COL22A1: variants seen among roughly 807,000 people sequenced by gnomAD.
COL22A1 encodes the protein collagen alpha-1(XXII) chain.
COL22A1 carries 221 observed loss-of-function variants against 248.9 expected under a neutral mutation model. The ratio of observed to expected loss-of-function variants is 0.89; its 90% CI spans 0.80 to 0.99. COL22A1 has a LOEUF of 0.99. COL22A1 is among the 50% of genes least tolerant of loss of function. The pLI is 0.00. For synonymous variants in COL22A1, 891 were observed against 793.4 expected (o/e 1.12, Z -2.07); for missense variants, 2,240 against 2,179.0 (o/e 1.03, Z -0.56).
chr8:138,598,630 A>G, intron 61 of COL22A1, 89 bp downstream of exon 61: 1 of 1,288,652 alleles, frequency 7.8e-7, no homozygotes, highest in Non-Finnish European at 1.1e-6. Context: ...TGGGATCTGT[A>G]AACTGGTGCC....
intron 44 of COL22A1, among the ~76,000 whole-genome samples, chr8:138,657,826 T>A (rs1289233585): frequency 6.6e-6 from 1 of 152,200 alleles, no homozygotes; most frequent in East Asian, 1.9e-4. Flanking sequence ...ATACAGCCGA[T>A]AACTGACTGA....
At chr8:138,730,413 C>T (rs1002636948) in intron 23 of COL22A1, among the ~76,000 whole-genome samples, 2 of 152,128 alleles carry the variant, frequency 1.3e-5, no homozygotes, top group African/African-American at 4.8e-5. Flanking sequence ...CTACGTACCG[C>T]TGTGTTCTCT....
chr8:138,592,431 G>A (rs893041531), intron 63 of COL22A1, among the ~76,000 whole-genome samples: 4 of 152,072 alleles, frequency 2.6e-5, no homozygotes. Flanking sequence ...TATAATAATC[G>A]TGTTTGGTCA....
chr8:138,826,672 A>C lies in COL22A1; in HGVS notation c.955T>G (p.Tyr319Asp). 6.2e-7 allele frequency: 1 copy of C among 1,613,938 alleles called. No homozygotes were observed. The highest frequency in any genetic ancestry group is 8.5e-7 in the Non-Finnish European group (1 of 1,179,896). ...DWYIWQVIDQ[Y>D]SIPQVSIRLD... Reference sequence around the variant, plus strand: ...GCTGCCCTTACCTGTGGGATGCTGTACTGGTCGATGACCTGCCAGATATAC... The same window carrying C: ...GCTGCCCTTACCTGTGGGATGCTGTCCTGGTCGATGACCTGCCAGATATAC... Residue 319 changes from tyrosine to aspartate, a missense_variant, in exon 6 of 65, where the codon TAC becomes GAC. Tyr to Asp is a radical substitution (Grantham distance 160). Coordinates refer to ENST00000303045, the MANE Select transcript of COL22A1 (RefSeq NM_152888.3).
chr8:138,654,926 C>T (rs1486133574), intron 45 of COL22A1, among the ~76,000 whole-genome samples: 1 of 152,212 alleles, frequency 6.6e-6, no homozygotes, highest in Non-Finnish European at 1.5e-5. Flanking sequence ...AAAGGCCCAA[C>T]AGCCCACATC....
intron 3 of COL22A1, among the ~76,000 whole-genome samples, chr8:138,862,349 CGT>C (rs1039934401): frequency 1.3e-5 from 2 of 152,170 alleles, no homozygotes; most frequent in African/African-American, 4.8e-5. Flanking sequence ...GGCCTCTGTC[CGT>C]GCCCCACTCC....
intron 23 of COL22A1, among the ~76,000 whole-genome samples, chr8:138,734,558 C>T (rs911851172): frequency 1.8e-4 from 28 of 152,156 alleles, no homozygotes; most frequent in Middle Eastern, 3.2e-3. Flanking sequence ...GAAACAGGAA[C>T]GCTTTTACAC....
chr8:138,694,186 C>T (rs753491897), intron 34 of COL22A1, among the ~76,000 whole-genome samples: 24 of 152,226 alleles, frequency 1.6e-4, no homozygotes, highest in Non-Finnish European at 3.2e-4. Flanking sequence ...CAAGGTGCCC[C>T]CTATGTGCAG....
chr8:138,727,718 G>T (rs532887514), intron 23 of COL22A1, among the ~76,000 whole-genome samples: 3 of 152,258 alleles, frequency 2.0e-5, no homozygotes, highest in African/African-American at 7.2e-5. Flanking sequence ...TCGGCAGCTC[G>T]CTCCGTCCTG....
intron 27 of COL22A1, among the ~76,000 whole-genome samples, chr8:138,719,663 C>T (rs1829717773): frequency 6.6e-6 from 1 of 152,204 alleles, no homozygotes. Flanking sequence ...CCCTGGCCAG[C>T]AAACGGATGC....
intron 16 of COL22A1, among the ~76,000 whole-genome samples, chr8:138,763,084 C>A (rs1833626726): frequency 6.6e-6 from 1 of 151,926 alleles, no homozygotes; most frequent in Admixed American, 6.6e-5. Flanking sequence ...AGCTATGACT[C>A]CCAAAAAAAA....
chr8:138,781,717 C>T (rs886998933), intron 12 of COL22A1, among the ~76,000 whole-genome samples: 2 of 152,098 alleles, frequency 1.3e-5, no homozygotes, highest in South Asian at 4.1e-4. Flanking sequence ...GTAACTCCAG[C>T]ACCTCTAAGC....
At chr8:138,820,529 G>A (rs1011251807) in intron 7 of COL22A1, among the ~76,000 whole-genome samples, 1 of 152,052 alleles carries the variant, frequency 6.6e-6, no homozygotes, top group African/African-American at 2.4e-5. Context: ...AATAAAAGAA[G>A]GAAAGAACAT....
chr8:138,764,447 G>A (rs959964266), intron 16 of COL22A1, among the ~76,000 whole-genome samples: 1 of 152,246 alleles, frequency 6.6e-6, no homozygotes, highest in African/African-American at 2.4e-5. Context: ...GGAAACCAGT[G>A]AATCACTGAC....
At chr8:138,697,531 A>C (rs1040523172) in intron 32 of COL22A1, among the ~76,000 whole-genome samples, 2 of 152,114 alleles carry the variant, frequency 1.3e-5, no homozygotes, top group Admixed American at 6.5e-5. Flanking sequence ...CACACCATCA[A>C]ACAGCCTGCT....
intron 41 of COL22A1, among the ~76,000 whole-genome samples, chr8:138,671,598 G>A (rs150236859): frequency 1.3e-5 from 2 of 152,210 alleles, no homozygotes; most frequent in East Asian, 1.9e-4. Flanking sequence ...TTTCTTTGTC[G>A]TGTTTATTGC....
chr8:138,632,233 C>G (rs1820786552), intron 49 of COL22A1, among the ~76,000 whole-genome samples: 1 of 152,164 alleles, frequency 6.6e-6, no homozygotes, highest in African/African-American at 2.4e-5. Context: ...GTTCGAGTTC[C>G]TGAGCCCATA....
In COL22A1 at chr8:138,625,552, A is replaced by G. The variant is rs549648058; in HGVS notation, c.3717+638T>C. On this transcript the variant is annotated intron_variant, in intron 51 of 64. Coordinates refer to ENST00000303045, the MANE Select transcript of COL22A1 (RefSeq NM_152888.3). ...ATATTAAATGGAAAAGTTCAGGACAACATCTTTGGAAAGCAATTTTGCAGT... is the reference window on the plus strand; with the variant it reads ...ATATTAAATGGAAAAGTTCAGGACAGCATCTTTGGAAAGCAATTTTGCAGT... 2.6e-5 allele frequency among the ~76,000 whole-genome samples: 4 copies of G among 152,328 alleles called. No individual in the cohort carries two copies. In the East Asian group the frequency reaches 7.7e-4, roughly 29 times the overall value.
intron 41 of COL22A1, among the ~76,000 whole-genome samples, chr8:138,667,545 G>A (rs1224254538): frequency 4.6e-5 from 7 of 152,220 alleles, no homozygotes; most frequent in Non-Finnish European, 8.8e-5. Context: ...GCAACAATAA[G>A]CATCTAATTG....
Sources: gnomAD v4.1 joint callset for allele counts (sites outside exome capture counted in the v4.1 genomes callset) on GRCh38, gnomAD v4.1.1 for gene constraint, MANE v1.5 for transcripts, NCBI Gene and HGNC (gene_info 2026-07-23, HGNC 2026-07-21) for gene names.